Variants in ARMC8 observed in about 807,000 individuals in gnomAD.
ARMC8 encodes armadillo repeat-containing protein 8.
ARMC8 carries 20 observed loss-of-function variants against 99.3 expected under a neutral mutation model. The ratio of observed to expected loss-of-function variants is 0.20; its 90% confidence interval spans 0.14 to 0.29. The LOEUF is 0.29. ARMC8 is among the 10% of genes least tolerant of loss of function. The probability of loss-of-function intolerance (pLI) is 1.00; values close to 1 mark genes in which losing one functional copy is unlikely to be tolerated. For missense variants in ARMC8, 569 were observed against 809.5 expected, an observed-to-expected ratio of 0.70 and a Z score of 3.60; for synonymous variants, 263 against 278.3, an observed-to-expected ratio of 0.95 and a Z score of 0.55.
At chr3:138,205,087 G>C (rs1197901542) in intron 1 of ARMC8, among the ~76,000 whole-genome samples, 1 of 6,818 alleles carries the variant, frequency 1.5e-4, no homozygotes, top group African/African-American at 5.6e-4. Context: ...TTTTTTTTTT[G>C]AGGTGAAGTC....
chr3:138,209,705 T>G (rs2044587969), intron 1 of ARMC8, 112 bp from the exon 2 acceptor site: 1 of 839,914 alleles, frequency 1.2e-6, no homozygotes, highest in African/African-American at 1.7e-5. Flanking sequence ...CATATAAATT[T>G]TAATGCATCT....
intron 2 of ARMC8, among the ~76,000 whole-genome samples, chr3:138,211,119 TTAAA>T (rs537430182): frequency 1.5e-3 from 221 of 152,324 alleles, no homozygotes; most frequent in African/African-American, 4.9e-3. Flanking sequence ...AATCCATCTA[TTAAA>T]TAAATCAGTT....
At chr3:138,282,970 AC>A (rs761797200) in intron 18 of ARMC8, among the ~76,000 whole-genome samples, 24 of 152,210 alleles carry the variant, frequency 1.6e-4, no homozygotes, top group Non-Finnish European at 3.2e-4. Flanking sequence ...GTACCAGATC[AC>A]CAGAAATCTG....
At chr3:138,287,023 A>T (rs941788310) in intron 19 of ARMC8, among the ~76,000 whole-genome samples, 4 of 152,046 alleles carry the variant, frequency 2.6e-5, no homozygotes, top group African/African-American at 9.7e-5. Flanking sequence ...TTTCATCACC[A>T]CTGCCCCCAC....
chr3:138,234,931 C>A, intron 6 of ARMC8, 103 bp from the exon 7 acceptor site: 1 of 877,712 alleles, frequency 1.1e-6, no homozygotes, highest in Non-Finnish European at 1.8e-6. Flanking sequence ...TAACAGGATT[C>A]TGTACTGTAG....
At chr3:138,189,840 G>A (rs1196708739) in intron 1 of ARMC8, among the ~76,000 whole-genome samples, 1 of 152,102 alleles carries the variant, frequency 6.6e-6, no homozygotes, top group East Asian at 1.9e-4. Flanking sequence ...GACACCCATC[G>A]CTTCCAATAA....
At chr3:138,207,071 A>G (rs2044412343) in intron 1 of ARMC8, among the ~76,000 whole-genome samples, 2 of 152,188 alleles carry the variant, frequency 1.3e-5, no homozygotes, top group South Asian at 4.1e-4. Context: ...TTTCAGTGCC[A>G]GCAACTAGTA....
chr3:138,266,606 G>T (rs1169596591), intron 14 of ARMC8, among the ~76,000 whole-genome samples: 1 of 152,142 alleles, frequency 6.6e-6, no homozygotes, highest in Non-Finnish European at 1.5e-5. Context: ...TATAGATGAA[G>T]AAATACAGGC....
At chr3:138,292,601 T>TCG (rs2051071024) in intron 21 of ARMC8, among the ~76,000 whole-genome samples, 1 of 152,180 alleles carries the variant, frequency 6.6e-6, no homozygotes, top group Admixed American at 6.5e-5. Context: ...CCTGAGCAAC[T>TCG]GGACAGAGGG....
At chr3:138,270,215 A>C in intron 16 of ARMC8, 83 bp downstream of exon 16, 1 of 1,084,304 alleles carries the variant, frequency 9.2e-7, no homozygotes, top group Non-Finnish European at 1.3e-6. Flanking sequence ...TGTTATTTGA[A>C]ATGTCTGGAA....
In ARMC8 at chr3:138,187,590, C is replaced by T. The variant is rs1356367430; in HGVS notation, c.36C>T (p.Ser12=). ...ACLLETPIRM[S]VLSEVTASSR... is the part of the protein sequence containing the mutation. Reference sequence around the variant, plus strand: ...TGTTGGAGACCCCAATCCGCATGAGCGTCCTTTCGGTGAGTGACCCGCCGC... The same window carrying T: ...TGTTGGAGACCCCAATCCGCATGAGTGTCCTTTCGGTGAGTGACCCGCCGC... The change falls in exon 1 of 22, where the codon AGC becomes AGT. Residue 12 remains serine, a synonymous_variant. Transcript: ENST00000469044. 19 of 1,535,658 alleles carry T rather than the reference C, an allele frequency of 1.2e-5. No homozygotes were observed. Among genetic ancestry groups the T allele is most frequent in the African/African-American group, 2.7e-5 (2 of 73,052 alleles).
chr3:138,268,980 T>C (rs2048533982), intron 15 of ARMC8, among the ~76,000 whole-genome samples: 2 of 152,144 alleles, frequency 1.3e-5, no homozygotes, highest in Admixed American at 1.3e-4. Flanking sequence ...TTTTAGGAAA[T>C]ATACATTGAA....
At chr3:138,237,055 A>G (rs1442100402) in intron 7 of ARMC8, among the ~76,000 whole-genome samples, 1 of 151,972 alleles carries the variant, frequency 6.6e-6, no homozygotes, top group African/African-American at 2.4e-5. Context: ...TTTAATTTTG[A>G]TTAGGGATTT....
intron 17 of ARMC8, 41 bp downstream of exon 17, chr3:138,273,157 C>T (rs2048943236): frequency 6.3e-7 from 1 of 1,577,716 alleles, no homozygotes; most frequent in East Asian, 2.3e-5. Flanking sequence ...GCTAGCCCTG[C>T]ATATGCATTG....
At chr3:138,265,092 T>C (rs1163324827) in intron 14 of ARMC8, among the ~76,000 whole-genome samples, 1 of 151,996 alleles carries the variant, frequency 6.6e-6, no homozygotes, top group East Asian at 1.9e-4. Flanking sequence ...AGACAAGGTC[T>C]CGCCAAGTTG....
intron 12 of ARMC8, among the ~76,000 whole-genome samples, chr3:138,250,768 A>AT (rs956303353): frequency 5.3e-5 from 8 of 152,114 alleles, no homozygotes; most frequent in African/African-American, 1.9e-4. Context: ...AACCAATGTA[A>AT]TTTTTTCTGT....
At chr3:138,222,995 GCT>G (rs2045485753) in intron 3 of ARMC8, among the ~76,000 whole-genome samples, 2 of 152,266 alleles carry the variant, frequency 1.3e-5, no homozygotes, top group African/African-American at 4.8e-5. Flanking sequence ...CTGCACCACT[GCT>G]CTGGATTCAG....
intron 12 of ARMC8, among the ~76,000 whole-genome samples, chr3:138,247,184 A>G (rs1295004131): frequency 6.6e-6 from 1 of 152,112 alleles, no homozygotes; most frequent in African/African-American, 2.4e-5. Context: ...TGAAATAATT[A>G]TTTGGGTAGA....
At position 138,188,393 on chromosome 3, in the gene ARMC8, A is replaced by T. The variant is rs578136181; in HGVS notation, c.45+794A>T. 6.8e-3 allele frequency: 9,626 copies of T among 1,408,316 alleles called. 37 individuals carry two copies. Among genetic ancestry groups the T allele is most frequent in the East Asian group, 0.019 (723 of 38,832 alleles). The allele number at this position is 1,408,316 out of a possible 1,614,324, so 87.2% of individuals were successfully genotyped here. ...AGTAAAACCTGTTTTTTTTTTTTTT[A>T]AAAAAAGTTTTTTTAAAGAAAAAGA... On this transcript the variant is annotated intron_variant, in intron 1 of 21. Coordinates refer to ENST00000469044, the MANE Select transcript of ARMC8 (RefSeq NM_001363941.2).
Sources: gnomAD v4.1 joint callset for allele counts (sites outside exome capture counted in the v4.1 genomes callset) on GRCh38, gnomAD v4.1.1 for gene constraint, MANE v1.5 for transcripts, NCBI Gene and HGNC (gene_info 2026-07-23, HGNC 2026-07-21) for gene names.